PCDHGA1: variants seen among roughly 807,000 people sequenced by gnomAD.
PCDHGA1 encodes the protein protocadherin gamma-A1.
A neutral mutation model predicts 58.0 loss-of-function variants in PCDHGA1; 32 were observed. The observed-to-expected ratio is 0.55, with a 90% CI of 0.42 to 0.74. The LOEUF (loss-of-function observed/expected upper bound fraction) is 0.74, where lower values mean the gene tolerates loss of function less well. Ranked by LOEUF, PCDHGA1 falls within the 30% of genes least tolerant of loss-of-function variation. PCDHGA1 has a pLI of 0.00. For missense variants in PCDHGA1, 1,205 were observed against 1,182.3 expected (o/e 1.02, Z -0.28); for synonymous variants, 498 against 501.1 (o/e 0.99, Z 0.08).
At chr5:141,389,296 A>C in intron 1 of PCDHGA1, 1 of 1,613,988 alleles carries the variant, frequency 6.2e-7, no homozygotes, top group African/African-American at 1.3e-5. Context: ...TCTATTTCAC[A>C]AGTCAGGGCT....
At chr5:141,388,616 A>C in intron 1 of PCDHGA1, 1 of 1,613,938 alleles carries the variant, frequency 6.2e-7, no homozygotes, top group Non-Finnish European at 8.5e-7. Flanking sequence ...TGTTCAGTCA[A>C]GACGTATACA....
Position 141,389,814 on chromosome 5 carries a change from G to C in PCDHGA1, c.2421+56709G>C, listed in dbSNP as rs753211260. 2.0e-5 allele frequency: 32 copies of C among 1,613,868 alleles called. No individual in the cohort carries two copies. In the Admixed American group the frequency reaches 5.0e-4, roughly 25 times the overall value. ...CGTCCGCCAGCGCCTTCTGGTCGCCGTGCGTGACGGTGGACAGCCACCACT... is the reference window on the plus strand; with the variant it reads ...CGTCCGCCAGCGCCTTCTGGTCGCCCTGCGTGACGGTGGACAGCCACCACT... On this transcript the variant is annotated intron_variant, in intron 1 of 3. Transcript: ENST00000517417.
At chr5:141,339,352 C>T (rs750765335) in intron 1 of PCDHGA1, 3 of 1,614,166 alleles carry the variant, frequency 1.9e-6, no homozygotes, top group South Asian at 1.1e-5. Flanking sequence ...CAGATATTAA[C>T]GATAATGCCC....
At chr5:141,440,165 A>G (rs935524872) in intron 1 of PCDHGA1, 2 of 152,300 alleles carry the variant, frequency 1.3e-5, no homozygotes, top group African/African-American at 4.8e-5. Flanking sequence ...AGCTTGGGCC[A>G]TAACGCTTTG....
At chr5:141,507,724 G>A (rs2099862962) in intron 3 of PCDHGA1, among the ~76,000 whole-genome samples, 1 of 152,256 alleles carries the variant, frequency 6.6e-6, no homozygotes. Context: ...CTCCAAGCAA[G>A]TCATGCAGCT....
At chr5:141,479,470 T>G (rs2099497188) in intron 1 of PCDHGA1, 1 of 152,250 alleles carries the variant, frequency 6.6e-6, no homozygotes, top group African/African-American at 2.4e-5. Context: ...CAGTGACCTC[T>G]TGGGAGGGCA....
In PCDHGA1 at chr5:141,375,798, C is replaced by T. The variant is rs368947176; in HGVS notation, c.2421+42693C>T. On this transcript the variant is annotated intron_variant, in intron 1 of 3. Coordinates refer to ENST00000517417, the MANE Select transcript of PCDHGA1 (RefSeq NM_018912.3). ...TACCCCGCCCTCCCCACAGACGGTT[C>T]CACTGGCGTGGAGCTGGCGCCCCGC... 11 of 1,614,124 alleles carry T rather than the reference C, an allele frequency of 6.8e-6. No individual in the cohort carries two copies. The African/African-American group carries it at 1.1e-4, about 16-fold the overall frequency.
At chr5:141,387,594 C>T in intron 1 of PCDHGA1, 1 of 528,418 alleles carries the variant, frequency 1.9e-6, no homozygotes, top group East Asian at 3.1e-5. Context: ...TAACTTGAAG[C>T]AGCAGAGGCT....
Position 141,487,532 on chromosome 5 carries a change from A to T in PCDHGA1, c.2422-7275A>T. 6.2e-7 allele frequency: 1 copy of T among 1,614,158 alleles called. No homozygotes were observed. The highest frequency in any genetic ancestry group is 8.5e-7 in the Non-Finnish European group (1 of 1,180,022). ...ACCCACTCGGAGTGATAGCTTCATG[A>T]TGGTGAAGTCACCCAGTGCACCTAT... is the stretch of plus-strand genomic sequence containing the variant. On this transcript the variant is annotated intron_variant, in intron 1 of 3. Transcript: ENST00000517417. This position sits in a 1 kb window ranked among gnomAD's most constrained non-coding sequence, Gnocchi z 5.0.
Position 141,476,144 on chromosome 5 carries a change from C to T in PCDHGA1, c.2422-18663C>T. ...GGTCCCAGAGGCCTGGAGGAGCGGA[C>T]TGGTAAGCACCGGGAGGGTAGTGGG... is the stretch of plus-strand genomic sequence containing the variant. On this transcript the variant is annotated intron_variant, in intron 1 of 3. Transcript: ENST00000517417. This position sits in a 1 kb window ranked among gnomAD's most constrained non-coding sequence, Gnocchi z 7.6. 6.2e-7 allele frequency: 1 copy of T among 1,610,510 alleles called. No individual in the cohort carries two copies. The highest frequency in any genetic ancestry group is 1.3e-5 in the African/African-American group (1 of 75,014).
At chr5:141,392,238 A>G (rs1412628236) in intron 1 of PCDHGA1, 1 of 152,214 alleles carries the variant, frequency 6.6e-6, no homozygotes, top group Admixed American at 6.5e-5. Context: ...GTTCTTAGTT[A>G]TTTGTTAGTA....
At chr5:141,368,396 C>T (rs1039446305) in intron 1 of PCDHGA1, among the ~76,000 whole-genome samples, 12 of 152,102 alleles carry the variant, frequency 7.9e-5, no homozygotes, top group African/African-American at 2.9e-4. Flanking sequence ...CACACACAAA[C>T]ACACATACAT....
At chr5:141,468,837 G>T in intron 1 of PCDHGA1, among the ~76,000 whole-genome samples, 1 of 152,108 alleles carries the variant, frequency 6.6e-6, no homozygotes, top group South Asian at 2.1e-4. Flanking sequence ...CTGCACTCCA[G>T]CCTGGGCAAC....
chr5:141,409,262 G>C (rs768196825), intron 1 of PCDHGA1: 1 of 1,613,952 alleles, frequency 6.2e-7, no homozygotes, highest in Admixed American at 1.7e-5. Flanking sequence ...TTCTCTCTCT[G>C]ATCAGATTTT....
At position 141,346,509 on chromosome 5, in the gene PCDHGA1, A is replaced by G. The variant is rs1168606062; in HGVS notation, c.2421+13404A>G. On this transcript the variant is annotated intron_variant, in intron 1 of 3. Coordinates refer to ENST00000517417, the MANE Select transcript of PCDHGA1 (RefSeq NM_018912.3). ...TAAGAACAAATATGAGAATGTGGTT[A>G]TTATAAAGCTTTAACACATATGTAT... 6.8e-6 allele frequency: 11 copies of G among 1,607,562 alleles called. No individual in the cohort carries two copies. The Admixed American group carries it at 1.9e-4, about 27-fold the overall frequency.
intron 1 of PCDHGA1, among the ~76,000 whole-genome samples, chr5:141,381,542 G>T (rs1245817082): frequency 2.0e-5 from 3 of 152,172 alleles, no homozygotes; most frequent in African/African-American, 7.2e-5. Context: ...CTAGGATGAA[G>T]ACTTGAATTG....
intron 1 of PCDHGA1, chr5:141,478,076 C>A: frequency 6.2e-7 from 1 of 1,614,106 alleles, no homozygotes. Context: ...CAATGGGGAG[C>A]CTTCGCTCTC....
Position 141,400,031 on chromosome 5 carries a change from G to A in PCDHGA1, c.2421+66926G>A, listed in dbSNP as rs373709904. The A allele has an allele frequency of 2.2e-5, 36 of 1,612,964 alleles. No individual in the cohort carries two copies. In the African/African-American group the frequency reaches 4.5e-4, roughly 20 times the overall value. The stretch of plus-strand genomic sequence containing the variant: ...GCCTTGGGCGACAGGGACGCGGCCC[G>A]CCAGCGCCTGCTGGTTGCTGTGCGT... On this transcript the variant is annotated intron_variant, in intron 1 of 3. Coordinates refer to ENST00000517417, the MANE Select transcript of PCDHGA1 (RefSeq NM_018912.3).
intron 1 of PCDHGA1, chr5:141,374,762 C>A (rs765014957): frequency 1.2e-5 from 19 of 1,613,390 alleles, no homozygotes. Flanking sequence ...AAGCGTCGCC[C>A]AAATTCTGGT....
Sources: allele counts gnomAD v4.1 joint callset (sites outside exome capture counted in the v4.1 genomes callset), GRCh38; gene constraint gnomAD v4.1.1; non-coding constraint Gnocchi (gnomAD v3.1); transcripts MANE v1.5; gene names NCBI Gene and HGNC (gene_info 2026-07-23, HGNC 2026-07-21).